The following NTN1 variants were observed in gnomAD, a reference collection of about 807,000 sequenced individuals.
NTN1 encodes the protein netrin-1.
A neutral mutation model predicts 54.2 loss-of-function variants in NTN1; 11 were observed. The observed-to-expected ratio is 0.20, with a 90% CI of 0.13 to 0.34. NTN1 has a LOEUF of 0.34. Ranked by LOEUF, NTN1 falls within the 10% of genes least tolerant of loss-of-function variation. The pLI is 1.00. For synonymous variants in NTN1, 371 were observed against 382.0 expected (o/e 0.97, Z 0.33); for missense variants, 740 against 893.1 (o/e 0.83, Z 2.18).
At chr17:9,020,605 A>G (rs1005330491), upstream of NTN1, among the ~76,000 whole-genome samples, 3 of 152,254 alleles carry the variant, frequency 2.0e-5, no homozygotes, top group African/African-American at 7.2e-5. Flanking sequence ...CCTCATCTGC[A>G]AAATGGAGTT....
At chr17:9,207,950 C>T (rs1488338793) in intron 5 of NTN1, among the ~76,000 whole-genome samples, 1 of 152,214 alleles carries the variant, frequency 6.6e-6, no homozygotes, top group Non-Finnish European at 1.5e-5. Flanking sequence ...GATGCCTAAA[C>T]CAGCTGGGTG....
In NTN1 at chr17:9,115,066, G is replaced by A. The variant is rs1001962065; in HGVS notation, c.1019-47747G>A. 2.4e-4 allele frequency among the ~76,000 whole-genome samples: 30 copies of A among 124,586 alleles called. No homozygotes were observed. The South Asian group carries it at 2.7e-3, about 11-fold the overall frequency. The allele number at this position is 124,586 out of a possible 152,430, so 81.7% of individuals were successfully genotyped here. A position where few individuals can be genotyped will look rare whatever the true frequency, so the allele number is the denominator to read the frequency against. On this transcript the variant is annotated intron_variant, in intron 2 of 6. Transcript: ENST00000173229. ...GGGCAGGATGCTGGGGCGCCAGGCCGGGGGTGCAGTAGAAAATTCTGCTCT... is the reference window on the plus strand; with the variant it reads ...GGGCAGGATGCTGGGGCGCCAGGCCAGGGGTGCAGTAGAAAATTCTGCTCT...
intron 2 of NTN1, among the ~76,000 whole-genome samples, chr17:9,146,992 G>C (rs1225758327): frequency 6.6e-6 from 1 of 152,134 alleles, no homozygotes; most frequent in African/African-American, 2.4e-5. Flanking sequence ...CTGCCCTAAA[G>C]CTTTTGAACC....
intron 5 of NTN1, among the ~76,000 whole-genome samples, chr17:9,185,760 C>A (rs1426135802): frequency 1.3e-5 from 2 of 152,194 alleles, no homozygotes; most frequent in African/African-American, 4.8e-5. Context: ...CCTGTACCAC[C>A]CCTTCCCCAC....
chr17:9,011,455 T>A, the NTN1 span, among the ~76,000 whole-genome samples: 4 of 152,210 alleles, frequency 2.6e-5, no homozygotes, highest in Non-Finnish European at 4.4e-5. Context: ...ATAACTATGA[T>A]TACATTTAGA....
At chr17:9,089,556 G>T (rs761414246) in intron 2 of NTN1, among the ~76,000 whole-genome samples, 1 of 152,162 alleles carries the variant, frequency 6.6e-6, no homozygotes, top group Non-Finnish European at 1.5e-5. Flanking sequence ...GACTGTCTCA[G>T]ATGTTCCCTG....
intron 5 of NTN1, among the ~76,000 whole-genome samples, chr17:9,193,970 T>G: frequency 7.6e-6 from 1 of 132,070 alleles, no homozygotes; most frequent in Non-Finnish European, 1.6e-5. Context: ...GCGCAGAGGC[T>G]CACGCCTGTA....
intron 3 of NTN1, chr17:9,171,485 T>C (rs2092387023): frequency 6.6e-6 from 1 of 152,242 alleles, no homozygotes; most frequent in Non-Finnish European, 1.5e-5. Context: ...GAGCTTGCTT[T>C]TTGATGGGAG....
chr17:9,146,394 G>T (rs1045557051), intron 2 of NTN1, among the ~76,000 whole-genome samples: 2 of 151,306 alleles, frequency 1.3e-5, no homozygotes, highest in African/African-American at 2.5e-5. Flanking sequence ...ATTGTTCTCT[G>T]CATTTTCTTT....
chr17:9,182,174 T>C (rs1312938558), intron 4 of NTN1, among the ~76,000 whole-genome samples: 1 of 152,218 alleles, frequency 6.6e-6, no homozygotes, highest in East Asian at 1.9e-4. Flanking sequence ...AGGCAAGGTC[T>C]TGCTTTGTTG....
At chr17:9,145,731 A>G (rs1229811107) in intron 2 of NTN1, among the ~76,000 whole-genome samples, 1 of 152,134 alleles carries the variant, frequency 6.6e-6, no homozygotes, top group Non-Finnish European at 1.5e-5. Flanking sequence ...AGCGTGGCCA[A>G]CATGGCAAAA....
intron 2 of NTN1, among the ~76,000 whole-genome samples, chr17:9,101,701 C>T (rs1029658617): frequency 2.0e-5 from 3 of 152,176 alleles, no homozygotes; most frequent in Non-Finnish European, 4.4e-5. Flanking sequence ...TTGTGAACTG[C>T]ACCTAAAACA....
At chr17:9,102,928 GT>G (rs1395291857) in intron 2 of NTN1, among the ~76,000 whole-genome samples, 1 of 152,218 alleles carries the variant, frequency 6.6e-6, no homozygotes, top group Non-Finnish European at 1.5e-5. Context: ...AATGTATGCT[GT>G]TGGCAGTCAC....
intron 2 of NTN1, among the ~76,000 whole-genome samples, chr17:9,055,415 A>G (rs1303255806): frequency 6.6e-6 from 1 of 152,202 alleles, no homozygotes; most frequent in Admixed American, 6.5e-5. Flanking sequence ...CAGAAGTAAA[A>G]GAAGTGATGA....
intron 5 of NTN1, among the ~76,000 whole-genome samples, chr17:9,202,087 A>C (rs1009824057): frequency 1.5e-5 from 2 of 129,582 alleles, no homozygotes; most frequent in African/African-American, 5.9e-5. Flanking sequence ...AAAAAAAAAA[A>C]AAACTTAGCC....
intron 2 of NTN1, among the ~76,000 whole-genome samples, chr17:9,111,340 T>G (rs1249522729): frequency 6.6e-6 from 1 of 152,234 alleles, no homozygotes; most frequent in East Asian, 1.9e-4. Context: ...CATATCTTTT[T>G]GGGGGTCATT....
At chr17:9,150,804 G>C (rs767757437) in intron 2 of NTN1, among the ~76,000 whole-genome samples, 1 of 152,150 alleles carries the variant, frequency 6.6e-6, no homozygotes, top group Non-Finnish European at 1.5e-5. Context: ...AAAAAAGTCA[G>C]TGGAAAAAAT....
intron 2 of NTN1, among the ~76,000 whole-genome samples, chr17:9,075,651 C>T (rs1252429682): frequency 6.6e-6 from 1 of 152,194 alleles, no homozygotes; most frequent in Non-Finnish European, 1.5e-5. Context: ...CGTCATTGCC[C>T]CTCCTAGCTT....
At chr17:9,139,922 C>T (rs1429233055) in intron 2 of NTN1, among the ~76,000 whole-genome samples, 1 of 151,808 alleles carries the variant, frequency 6.6e-6, no homozygotes, top group Non-Finnish European at 1.5e-5. Context: ...ATCCATTCAT[C>T]CATCATCCAT....
Sources: allele counts gnomAD v4.1 joint callset (sites outside exome capture counted in the v4.1 genomes callset), GRCh38; gene constraint gnomAD v4.1.1; transcripts MANE v1.5; gene names NCBI Gene and HGNC (gene_info 2026-07-23, HGNC 2026-07-21).